EPB41L2: variants seen among roughly 807,000 people sequenced by gnomAD.
The protein encoded by EPB41L2 is band 4.1-like protein 2.
EPB41L2 carries 43 observed loss-of-function variants against 113.0 expected under a neutral mutation model. The observed-to-expected ratio is 0.38, with a 90% CI of 0.30 to 0.49. The LOEUF (loss-of-function observed/expected upper bound fraction) is 0.49, where lower values mean the gene tolerates loss of function less well. Ranked by LOEUF, EPB41L2 falls within the 20% of genes least tolerant of loss-of-function variation. EPB41L2 has a pLI of 0.95. For synonymous variants in EPB41L2, 442 were observed against 436.7 expected (o/e 1.01, Z -0.15); for missense variants, 1,147 against 1,223.4 (o/e 0.94, Z 0.93).
intron 1 of EPB41L2, among the ~76,000 whole-genome samples, chr6:130,995,398 G>A (rs1202715481): frequency 6.6e-6 from 1 of 152,184 alleles, no homozygotes; most frequent in African/African-American, 2.4e-5. Flanking sequence ...CAGCACTCTG[G>A]GAGGCCTAGG....
At position 130,858,139 on chromosome 6, in the gene EPB41L2, A is replaced by C; in HGVS notation, c.3015T>G (p.Asp1005Glu). 1 of 1,613,238 alleles carries C rather than the reference A, an allele frequency of 6.2e-7. No homozygotes were observed. Among genetic ancestry groups the C allele is most frequent in the Non-Finnish European group, 8.5e-7 (1 of 1,179,292 alleles). ...KETELAEEGE[D>E] ...AATGAGGGCTCTCTTACCTTACTTA[A>C]TCTTCCCCTTCCTCAGCCAACTCTG... Residue 1005 changes from aspartate (D) to glutamate (E), a missense_variant, in exon 19 of 20, where the codon GAT (aspartate) becomes GAG (glutamate). Coordinates refer to ENST00000337057, the MANE Select transcript of EPB41L2 (RefSeq NM_001431.4).
chr6:130,933,106 G>T (rs539529008), intron 3 of EPB41L2, among the ~76,000 whole-genome samples: 1 of 152,322 alleles, frequency 6.6e-6, no homozygotes, highest in South Asian at 2.1e-4. Context: ...TTCCTCTTAA[G>T]AGTAGGCCAT....
intron 1 of EPB41L2, among the ~76,000 whole-genome samples, chr6:131,009,038 G>A (rs891389426): frequency 6.6e-6 from 1 of 152,186 alleles, no homozygotes; most frequent in African/African-American, 2.4e-5. Context: ...TTTGAAATGT[G>A]AGGATATGAG....
chr6:130,943,716 A>T (rs1215229974), intron 3 of EPB41L2, among the ~76,000 whole-genome samples: 3 of 152,258 alleles, frequency 2.0e-5, no homozygotes, highest in Non-Finnish European at 4.4e-5. Context: ...AAGCATGTGA[A>T]AGAATTCCTC....
chr6:130,854,129 G>A (rs1479670332), intron 19 of EPB41L2, among the ~76,000 whole-genome samples: 3 of 152,160 alleles, frequency 2.0e-5, no homozygotes, highest in Non-Finnish European at 2.9e-5. Flanking sequence ...GATAGTTCAA[G>A]TCTCCTATTT....
chr6:130,964,480 C>T (rs1316505686), intron 1 of EPB41L2, among the ~76,000 whole-genome samples: 2 of 118,728 alleles, frequency 1.7e-5, no homozygotes, highest in Non-Finnish European at 3.4e-5. Context: ...TGAGTTTCAG[C>T]TTCCTCATAA....
chr6:130,870,300 T>C, intron 14 of EPB41L2, 174 bp from the exon 15 acceptor site: 2 of 1,550,270 alleles, frequency 1.3e-6, no homozygotes, highest in Non-Finnish European at 1.7e-6. Context: ...CGTGAGGCAA[T>C]GGTGTTAACA....
intron 1 of EPB41L2, among the ~76,000 whole-genome samples, chr6:131,027,979 A>G (rs1407140264): frequency 1.3e-5 from 2 of 152,210 alleles, no homozygotes; most frequent in African/African-American, 4.8e-5. Flanking sequence ...AAGACCTGAC[A>G]AAAAGCAAAT....
In EPB41L2 at chr6:130,870,067, G is replaced by T. The variant is rs117884190; in HGVS notation, c.2103C>A (p.Asp701Glu). 6.2e-7 allele frequency: 1 copy of T among 1,613,638 alleles called. No individual in the cohort carries two copies. The highest frequency in any genetic ancestry group is 8.5e-7 in the Non-Finnish European group (1 of 1,179,980). ...EEKKRAEVGK[D>E]ERVITEEMNG... ...TCATTTCTTCTGTGATTACTCTTTC[G>T]TCTTTCCCAACCTCTGCCCGCTTCT... The change falls in exon 15 of 20, where the codon GAC becomes GAA. Residue 701 changes from aspartate (D) to glutamate (E), a missense_variant. Physicochemically the swap from Asp to Glu is conservative, Grantham distance 45. Transcript: ENST00000337057.
At chr6:130,861,740 C>T (rs577922305) in intron 18 of EPB41L2, among the ~76,000 whole-genome samples, 39 of 151,992 alleles carry the variant, frequency 2.6e-4, no homozygotes, top group Non-Finnish European at 4.0e-4. Flanking sequence ...GGCGTGGTGG[C>T]GGGTGCCTAT....
chr6:130,909,112 T>C (rs1798575101), intron 4 of EPB41L2, among the ~76,000 whole-genome samples: 1 of 152,226 alleles, frequency 6.6e-6, no homozygotes, highest in Non-Finnish European at 1.5e-5. Context: ...ATGGGCCTCA[T>C]TCTCCTGCAT....
intron 1 of EPB41L2, among the ~76,000 whole-genome samples, chr6:130,967,819 T>C (rs1214744628): frequency 6.6e-6 from 1 of 152,208 alleles, no homozygotes; most frequent in Non-Finnish European, 1.5e-5. Flanking sequence ...TTGCATCCAG[T>C]GGCTTCCTGA....
At chr6:130,866,197 C>T (rs970197640) in intron 16 of EPB41L2, among the ~76,000 whole-genome samples, 1 of 152,220 alleles carries the variant, frequency 6.6e-6, no homozygotes, top group African/African-American at 2.4e-5. Flanking sequence ...TATTTCAATA[C>T]TGCACATACG....
chr6:130,925,265 T>G (rs1181831807), intron 4 of EPB41L2, among the ~76,000 whole-genome samples: 1 of 149,380 alleles, frequency 6.7e-6, no homozygotes. Context: ...CTTGGCTCAC[T>G]GCAACCTTTG....
intron 6 of EPB41L2, among the ~76,000 whole-genome samples, chr6:130,903,576 T>C (rs376369451): frequency 6.6e-5 from 10 of 152,144 alleles, no homozygotes; most frequent in African/African-American, 2.4e-4. Context: ...CAGACTCTTT[T>C]GCTAAGCCCC....
chr6:131,060,112 G>A (rs900103596), intron 1 of EPB41L2, among the ~76,000 whole-genome samples: 1 of 152,160 alleles, frequency 6.6e-6, no homozygotes, highest in Admixed American at 6.5e-5. Flanking sequence ...GAAAGAAAAA[G>A]GCCCATGTCT....
At chr6:130,870,759 G>A (rs976276802) in intron 14 of EPB41L2, among the ~76,000 whole-genome samples, 4 of 151,528 alleles carry the variant, frequency 2.6e-5, no homozygotes, top group Non-Finnish European at 4.4e-5. Context: ...AGCCTGGAAC[G>A]CTGATTCTTA....
At chr6:131,059,029 AAAC>A (rs879771701) in intron 1 of EPB41L2, among the ~76,000 whole-genome samples, 3 of 152,154 alleles carry the variant, frequency 2.0e-5, no homozygotes, top group Non-Finnish European at 4.4e-5. Context: ...AACAAAATAA[AAAC>A]AACAACAGCA....
At chr6:131,003,320 A>C (rs956026548) in intron 1 of EPB41L2, among the ~76,000 whole-genome samples, 2 of 152,234 alleles carry the variant, frequency 1.3e-5, no homozygotes, top group Admixed American at 1.3e-4. Context: ...TTAACAGTGA[A>C]GGTGGAAATG....
Sources: allele counts gnomAD v4.1 joint callset (sites outside exome capture counted in the v4.1 genomes callset), GRCh38; gene constraint gnomAD v4.1.1; transcripts MANE v1.5; gene names NCBI Gene and HGNC (gene_info 2026-07-23, HGNC 2026-07-21).